The following TTC23L variants were observed in gnomAD, a reference collection of about 807,000 sequenced individuals.
TTC23L encodes tetratricopeptide repeat protein 23-like.
Under a neutral mutation model 48.1 loss-of-function variants are expected in TTC23L, and 42 were observed. That is an observed-to-expected ratio of 0.87 (90% CI 0.68 to 1.13). The LOEUF (loss-of-function observed/expected upper bound fraction) is 1.13. Among genes scored for constraint, TTC23L ranks in the 50% most tolerant of loss-of-function variants. TTC23L has a pLI of 0.00. For synonymous variants in TTC23L, 159 were observed against 157.2 expected (o/e 1.01, Z -0.09); for missense variants, 391 against 421.0 (o/e 0.93, Z 0.62).
chr5:34,868,978 A>G, exon 8 of TTC23L: 1 of 1,610,578 alleles, frequency 6.2e-7, no homozygotes, highest in Non-Finnish European at 8.5e-7. Context: ...TTACTGGCCA[A>G]AGCTTATGCC....
the TTC23L span, among the ~76,000 whole-genome samples, chr5:34,924,071 A>C: frequency 2.0e-5 from 3 of 152,358 alleles, no homozygotes; most frequent in Admixed American, 1.3e-4. Context: ...AAGACCTAGC[A>C]AAATGTAATT....
the TTC23L span, chr5:34,909,238 C>A: frequency 3.9e-6 from 6 of 1,529,694 alleles, no homozygotes; most frequent in African/African-American, 2.8e-5. Context: ...CCAATGACAA[C>A]CTCTATATTA....
At chr5:34,880,135 G>A in intron 8 of TTC23L, 46 bp from the exon 9 acceptor site, 1 of 1,573,780 alleles carries the variant, frequency 6.4e-7, no homozygotes, top group Non-Finnish European at 8.6e-7. Flanking sequence ...TTAGACATTT[G>A]TAAAGGTTAG....
downstream of TTC23L, among the ~76,000 whole-genome samples, chr5:34,902,639 TACTA>T (rs1006147767): frequency 2.8e-4 from 42 of 152,300 alleles, no homozygotes; most frequent in African/African-American, 9.4e-4. Flanking sequence ...AGCACACATA[TACTA>T]ACTAAGCCAA....
intron 10 of TTC23L, among the ~76,000 whole-genome samples, chr5:34,898,058 G>A (rs915079990): frequency 4.6e-5 from 7 of 152,216 alleles, no homozygotes; most frequent in Admixed American, 4.6e-4. Context: ...AAATGGGGAT[G>A]AAGTATAGTA....
chr5:34,909,670 T>C, the TTC23L span, among the ~76,000 whole-genome samples: 240 of 152,288 alleles, frequency 1.6e-3, no homozygotes, highest in African/African-American at 4.3e-3. Flanking sequence ...GGCGAGAGAA[T>C]TGAGGACTCA....
At chr5:34,915,523 C>T in the TTC23L span, 4 of 531,936 alleles carry the variant, frequency 7.5e-6, no homozygotes, top group African/African-American at 5.8e-5. Flanking sequence ...TCCCGCCACT[C>T]TTCAGACCGG....
At chr5:34,879,415 C>T (rs1250377580) in intron 8 of TTC23L, among the ~76,000 whole-genome samples, 1 of 152,062 alleles carries the variant, frequency 6.6e-6, no homozygotes, top group Non-Finnish European at 1.5e-5. Flanking sequence ...AAAGACACAA[C>T]ATTAAAATTA....
intron 4 of TTC23L, among the ~76,000 whole-genome samples, chr5:34,853,061 A>G (rs1450546247): frequency 1.3e-5 from 2 of 152,204 alleles, no homozygotes; most frequent in Non-Finnish European, 2.9e-5. Context: ...GGGAGCCACA[A>G]TTCCTGGTGA....
At chr5:34,890,441 C>CAAAAA (rs57798773) in intron 9 of TTC23L, among the ~76,000 whole-genome samples, 2 of 56,676 alleles carry the variant, frequency 3.5e-5, no homozygotes, top group African/African-American at 8.3e-5. Context: ...GACCCTGTCT[C>CAAAAA]AAAAAAAAAA....
At chr5:34,849,421 C>T (rs983919699) in intron 3 of TTC23L, among the ~76,000 whole-genome samples, 5 of 152,056 alleles carry the variant, frequency 3.3e-5, no homozygotes, top group Non-Finnish European at 5.9e-5. Context: ...ACCATGAGGA[C>T]GCAGTCATCA....
chr5:34,914,669 A>G, the TTC23L span: 1 of 1,610,424 alleles, frequency 6.2e-7, no homozygotes, highest in African/African-American at 1.3e-5. Flanking sequence ...TCTATGGCAC[A>G]GGCTTAAAGG....
At chr5:34,846,579 ATATATAT>A (rs1759178590) in intron 3 of TTC23L, among the ~76,000 whole-genome samples, 1 of 62,134 alleles carries the variant, frequency 1.6e-5, no homozygotes, top group African/African-American at 1.1e-4. Flanking sequence ...AAAAAAAAAT[ATATATAT>A]ATATATATAT....
the TTC23L span, chr5:34,913,530 G>T: frequency 6.2e-7 from 1 of 1,604,558 alleles, no homozygotes; most frequent in African/African-American, 1.3e-5. Context: ...AAATTAATTC[G>T]AAAAGTAACA....
At chr5:34,889,481 C>A (rs765047135) in intron 9 of TTC23L, among the ~76,000 whole-genome samples, 1 of 152,150 alleles carries the variant, frequency 6.6e-6, no homozygotes, top group Non-Finnish European at 1.5e-5. Flanking sequence ...TGGGGAAGAT[C>A]ATGCCATGGA....
chr5:34,855,554 T>C (rs1262935723), intron 4 of TTC23L, among the ~76,000 whole-genome samples: 1 of 152,202 alleles, frequency 6.6e-6, no homozygotes, highest in Admixed American at 6.5e-5. Context: ...CTGGGAATCT[T>C]TCCTAAATAC....
At chr5:34,901,635 G>A (rs1763513881), downstream of TTC23L, among the ~76,000 whole-genome samples, 1 of 152,188 alleles carries the variant, frequency 6.6e-6, no homozygotes, top group Non-Finnish European at 1.5e-5. Flanking sequence ...GGTGGCGCAT[G>A]CCTGTAATCC....
At chr5:34,905,469 CTG>C in the TTC23L span, 4 of 151,476 alleles carry the variant, frequency 2.6e-5, no homozygotes, top group Non-Finnish European at 5.9e-5. Flanking sequence ...GTTAAAATGA[CTG>C]TGTTACATGC....
At chr5:34,913,381 G>T in the TTC23L span, 1 of 688,370 alleles carries the variant, frequency 1.5e-6, no homozygotes. Context: ...TTAGCTTTCT[G>T]AACCAATGTT....
Sources: allele counts gnomAD v4.1 joint callset (sites outside exome capture counted in the v4.1 genomes callset), GRCh38; gene constraint gnomAD v4.1.1; transcripts MANE v1.5; gene names NCBI Gene and HGNC (gene_info 2026-07-23, HGNC 2026-07-21).